The following MYO1E variants were observed in gnomAD, a reference collection of about 807,000 sequenced individuals.
MYO1E encodes the protein unconventional myosin-Ie.
Under a neutral mutation model 151.1 loss-of-function variants are expected in MYO1E, and 68 were observed. That is an observed-to-expected ratio of 0.45 (90% CI 0.37 to 0.55). The LOEUF (loss-of-function observed/expected upper bound fraction) is 0.55, where lower values mean the gene tolerates loss of function less well. Ranked by LOEUF, MYO1E falls within the 20% of genes least tolerant of loss-of-function variation. The pLI, the probability that MYO1E is intolerant of heterozygous loss-of-function variation, is 0.00. For synonymous variants in MYO1E, 601 were observed against 501.7 expected (o/e 1.20, Z -2.64); for missense variants, 1,363 against 1,389.3 (o/e 0.98, Z 0.30).
chr15:59,138,912 G>A (rs1420389358), intron 26 of MYO1E, among the ~76,000 whole-genome samples: 4 of 152,190 alleles, frequency 2.6e-5, no homozygotes, highest in Middle Eastern at 3.4e-3. Context: ...CATATTCCAC[G>A]GTCACATGCT....
At chr15:59,323,691 G>A (rs909562336) in intron 1 of MYO1E, among the ~76,000 whole-genome samples, 2 of 151,940 alleles carry the variant, frequency 1.3e-5, no homozygotes, top group African/African-American at 2.4e-5. Context: ...GTGATTTGGA[G>A]AACGGCTGTG....
intron 16 of MYO1E, among the ~76,000 whole-genome samples, chr15:59,199,623 A>G (rs2079788656): frequency 6.6e-6 from 1 of 152,152 alleles, no homozygotes; most frequent in African/African-American, 2.4e-5. Flanking sequence ...TTTATAATCA[A>G]TATAATAAGA....
rs144381104 is a variant in MYO1E at position 59,284,028 on chromosome 15, C to T, written c.4-11579G>A. Among the ~76,000 whole-genome samples the T allele has an allele frequency of 4.5e-3, 688 of 152,348 alleles. 5 individuals are homozygous for T. The highest frequency in any genetic ancestry group is 0.015 in the African/African-American group (627 of 41,586). ...CAAAGCCCTGCAAGCTAGGAGCTCA[C>T]GGAGCAGCCTGGCTCTGCACAGCCT... On this transcript the variant is annotated intron_variant, in intron 1 of 27. Transcript: ENST00000288235.
chr15:59,180,359 T>C, intron 18 of MYO1E, among the ~76,000 whole-genome samples: 1 of 152,050 alleles, frequency 6.6e-6, no homozygotes. Context: ...AGGCAGAAAG[T>C]TCATGGAGGG....
chr15:59,227,667 TA>T, intron 6 of MYO1E, 77 bp from the exon 7 acceptor site: 1 of 1,545,650 alleles, frequency 6.5e-7, no homozygotes, highest in South Asian at 1.1e-5. Flanking sequence ...GAATACAGTA[TA>T]TAATTCAAGG....
At chr15:59,148,348 T>C (rs2079454472) in intron 26 of MYO1E, among the ~76,000 whole-genome samples, 1 of 152,210 alleles carries the variant, frequency 6.6e-6, no homozygotes, top group Non-Finnish European at 1.5e-5. Context: ...CTTTTGTGAA[T>C]TTCTCTGTAG....
At chr15:59,231,835 T>C in intron 5 of MYO1E, 44 bp from the exon 6 acceptor site, 2 of 1,594,764 alleles carry the variant, frequency 1.3e-6, no homozygotes, top group Non-Finnish European at 1.7e-6. Flanking sequence ...TGTGAACACC[T>C]ACCACACAGT....
At chr15:59,288,025 T>G (rs1159803611) in intron 1 of MYO1E, among the ~76,000 whole-genome samples, 1 of 152,244 alleles carries the variant, frequency 6.6e-6, no homozygotes, top group African/African-American at 2.4e-5. Flanking sequence ...CTGATGGGTT[T>G]TGAACTGCGT....
intron 1 of MYO1E, among the ~76,000 whole-genome samples, chr15:59,365,946 A>C (rs2080910461): frequency 6.6e-6 from 1 of 152,132 alleles, no homozygotes; most frequent in African/African-American, 2.4e-5. Context: ...TTAAAAAATA[A>C]AAAATAAGGC....
At chr15:59,240,105 A>T (rs1357188204) in intron 4 of MYO1E, among the ~76,000 whole-genome samples, 1 of 152,198 alleles carries the variant, frequency 6.6e-6, no homozygotes, top group African/African-American at 2.4e-5. Context: ...CACACACACA[A>T]ATACTCTAGA....
chr15:59,160,072 G>A (rs1267504340), intron 24 of MYO1E, among the ~76,000 whole-genome samples: 1 of 152,106 alleles, frequency 6.6e-6, no homozygotes, highest in Non-Finnish European at 1.5e-5. Context: ...CTGACCTCAG[G>A]TAGTCCGCCT....
intron 22 of MYO1E, among the ~76,000 whole-genome samples, chr15:59,167,795 G>A (rs1169519958): frequency 6.6e-6 from 1 of 152,166 alleles, no homozygotes; most frequent in Non-Finnish European, 1.5e-5. Flanking sequence ...TCCTGCCGCA[G>A]CCTCCTAAGT....
intron 1 of MYO1E, among the ~76,000 whole-genome samples, chr15:59,355,016 G>A (rs997844082): frequency 1.3e-5 from 2 of 152,084 alleles, no homozygotes; most frequent in Non-Finnish European, 2.9e-5. Flanking sequence ...CCTTTAATCC[G>A]CTGGCTCTCA....
At chr15:59,278,169 G>C (rs1483992201) in intron 1 of MYO1E, among the ~76,000 whole-genome samples, 2 of 152,208 alleles carry the variant, frequency 1.3e-5, no homozygotes, top group Non-Finnish European at 2.9e-5. Context: ...TGTGTGGACA[G>C]TAAGATAGTA....
At chr15:59,302,665 A>T (rs1384138390) in intron 1 of MYO1E, among the ~76,000 whole-genome samples, 1 of 152,200 alleles carries the variant, frequency 6.6e-6, no homozygotes, top group Non-Finnish European at 1.5e-5. Flanking sequence ...TTTTTCTCTG[A>T]ATCTCCAGAG....
intron 1 of MYO1E, among the ~76,000 whole-genome samples, chr15:59,318,544 A>G (rs10851649): frequency 0.17 from 26,424 of 152,206 alleles, 3,379 homozygotes; most frequent in East Asian, 0.5. Context: ...ACCAAAAAAC[A>G]AAAAAGATTT....
At chr15:59,179,139 C>T (rs1320096791) in intron 18 of MYO1E, among the ~76,000 whole-genome samples, 2 of 152,206 alleles carry the variant, frequency 1.3e-5, no homozygotes, top group Non-Finnish European at 1.5e-5. Context: ...CCTTCCTCGG[C>T]GCCTCTGCCC....
chr15:59,218,656 A>G (rs2079934663), intron 9 of MYO1E, among the ~76,000 whole-genome samples: 1 of 152,254 alleles, frequency 6.6e-6, no homozygotes. Flanking sequence ...TGCAATCTAG[A>G]TGAGGCAAAA....
Position 59,149,048 on chromosome 15 carries a change from T to G in MYO1E, c.3080+4542A>C, listed in dbSNP as rs572251039. 5.4e-3 allele frequency among the ~76,000 whole-genome samples: 321 copies of G among 59,688 alleles called. 1 individual carries two copies. Among genetic ancestry groups the G allele is most frequent in the Non-Finnish European group, 7.5e-3 (180 of 23,876 alleles). The allele number at this position is 59,688 out of a possible 152,430, so 39.2% of individuals were successfully genotyped here. A position where few individuals can be genotyped will look rare whatever the true frequency, so the allele number is the denominator to read the frequency against. On this transcript the variant is annotated intron_variant, in intron 26 of 27. Transcript: ENST00000288235. ...GTGGGTGGATGAACTGTTTTTTTTT[T>G]TTTGTTTTTTTTTTTTTTTTTTTTT... is the stretch of plus-strand genomic sequence containing the variant.
Sources: gnomAD v4.1 joint callset for allele counts (sites outside exome capture counted in the v4.1 genomes callset) on GRCh38, gnomAD v4.1.1 for gene constraint, MANE v1.5 for transcripts, NCBI Gene and HGNC (gene_info 2026-07-23, HGNC 2026-07-21) for gene names.